The following SORCS3 variants were observed in gnomAD, a reference collection of about 807,000 sequenced individuals.
SORCS3 encodes sortilin related VPS10 domain containing receptor 3, also known as VPS10 domain-containing receptor SorCS3.
SORCS3 carries 57 observed loss-of-function variants against 146.3 expected under a neutral mutation model. The observed-to-expected ratio is 0.39, with a 90% CI of 0.31 to 0.49. The LOEUF (loss-of-function observed/expected upper bound fraction) is 0.49, where lower values mean the gene tolerates loss of function less well. Among genes scored for constraint, SORCS3 ranks in the 20% least tolerant of loss-of-function variants. The pLI, the probability that SORCS3 is intolerant of heterozygous loss-of-function variation, is 0.92. For missense variants in SORCS3, 1,341 were observed against 1,575.5 expected (o/e 0.85, Z 2.52); for synonymous variants, 653 against 618.5 (o/e 1.06, Z -0.83).
chr10:104,766,310 C>T (rs2017179201), intron 1 of SORCS3, among the ~76,000 whole-genome samples: 1 of 152,212 alleles, frequency 6.6e-6, no homozygotes, highest in African/African-American at 2.4e-5. Flanking sequence ...ACAGTCACCA[C>T]ATCTGTATTT....
chr10:104,838,473 A>T (rs2133543393), intron 1 of SORCS3, among the ~76,000 whole-genome samples: 1 of 152,066 alleles, frequency 6.6e-6, no homozygotes. Context: ...AGAATGTCTT[A>T]AGCCTGAAGG....
chr10:104,823,657 C>T (rs556020711), intron 1 of SORCS3, among the ~76,000 whole-genome samples: 33 of 152,284 alleles, frequency 2.2e-4, no homozygotes, highest in African/African-American at 7.2e-4. Context: ...GCTCATTAGA[C>T]ATCTTCATGG....
chr10:105,231,045 G>A (rs2056762738), intron 20 of SORCS3, among the ~76,000 whole-genome samples: 1 of 152,110 alleles, frequency 6.6e-6, no homozygotes, highest in South Asian at 2.1e-4. Context: ...TTCTCATATT[G>A]GGGAGTCCCT....
chr10:105,228,830 A>G (rs1388980966), intron 20 of SORCS3, among the ~76,000 whole-genome samples: 1 of 152,178 alleles, frequency 6.6e-6, no homozygotes, highest in Non-Finnish European at 1.5e-5. Context: ...CATAAAGAAG[A>G]TCTTTTTACT....
chr10:105,262,503 TGCTCCACTAA>T lies in SORCS3; in HGVS notation c.3604+18_3604+27del. ...CACGCGGGTCATAGGTACATGCTCCTGCTCCACTAAGCTCCCCTGTTCTGTGTCCTCTAAA... is the reference window on the plus strand; with the variant it reads ...CACGCGGGTCATAGGTACATGCTCCTGCTCCCCTGTTCTGTGTCCTCTAAA... On this transcript the variant is annotated intron_variant, in intron 26 of 26. Coordinates refer to ENST00000369701, the MANE Select transcript of SORCS3 (RefSeq NM_014978.3). 1 of 1,611,422 alleles carries T rather than the reference TGCTCCACTAA, an allele frequency of 6.2e-7. No individual in the cohort carries two copies. Among genetic ancestry groups the T allele is most frequent in the South Asian group, 1.1e-5 (1 of 90,958 alleles).
intron 23 of SORCS3, 58 bp from the exon 24 acceptor site, chr10:105,255,644 C>G (rs1281305138): frequency 8.4e-7 from 1 of 1,189,680 alleles, no homozygotes; most frequent in Admixed American, 1.7e-5. Context: ...TTTCTTACCC[C>G]ATGAGGGAGC....
intron 1 of SORCS3, among the ~76,000 whole-genome samples, chr10:104,701,819 C>T (rs908891155): frequency 2.0e-5 from 3 of 150,950 alleles, no homozygotes; most frequent in African/African-American, 4.9e-5. Context: ...ATTTTTTTTT[C>T]GGTATTGGGT....
At chr10:104,834,888 C>T (rs748981237) in intron 1 of SORCS3, among the ~76,000 whole-genome samples, 8 of 151,716 alleles carry the variant, frequency 5.3e-5, no homozygotes, top group Admixed American at 4.6e-4. Context: ...TCAGGAGACT[C>T]GGTGTTTGCT....
intron 6 of SORCS3, among the ~76,000 whole-genome samples, chr10:105,092,770 A>G (rs1351580550): frequency 6.6e-6 from 1 of 152,230 alleles, no homozygotes. Flanking sequence ...ACAAACAAAC[A>G]AACAAAAAAG....
Position 105,213,582 on chromosome 10 carries a change from A to T in SORCS3, c.2376-860A>T, listed in dbSNP as rs185638933. Reference sequence around the variant, plus strand: ...TTTCAGTGCAGCCTTATAGATGGTCATGTGCCTGGAAATATGCCCATCATG... The same window carrying T: ...TTTCAGTGCAGCCTTATAGATGGTCTTGTGCCTGGAAATATGCCCATCATG... On this transcript the variant is annotated intron_variant, in intron 17 of 26. Transcript: ENST00000369701. Among the ~76,000 whole-genome samples, 338 of 152,268 alleles carry T rather than the reference A, an allele frequency of 2.2e-3. 3 individuals carry two copies. Among genetic ancestry groups the T allele is most frequent in the Admixed American group, 5.5e-3 (84 of 15,298 alleles).
At chr10:104,995,196 G>C (rs570830166) in intron 4 of SORCS3, among the ~76,000 whole-genome samples, 15 of 127,288 alleles carry the variant, frequency 1.2e-4, no homozygotes, top group African/African-American at 4.7e-4. Context: ...GTCTTGCTCT[G>C]TCGTCCAGGC....
chr10:104,894,365 A>G (rs2018778438), intron 2 of SORCS3, among the ~76,000 whole-genome samples: 1 of 152,210 alleles, frequency 6.6e-6, no homozygotes, highest in Non-Finnish European at 1.5e-5. Flanking sequence ...AGTGGTGGTG[A>G]TGGTGAGTGG....
At chr10:105,237,205 A>G (rs2056797666) in intron 20 of SORCS3, among the ~76,000 whole-genome samples, 1 of 152,170 alleles carries the variant, frequency 6.6e-6, no homozygotes, top group Non-Finnish European at 1.5e-5. Context: ...TGGTTGCAGA[A>G]CAAGACAAAC....
intron 1 of SORCS3, among the ~76,000 whole-genome samples, chr10:104,697,072 T>C (rs1183284564): frequency 1.3e-5 from 2 of 152,004 alleles, no homozygotes; most frequent in Non-Finnish European, 2.9e-5. Flanking sequence ...ATGGATGTAT[T>C]AATTTGATTT....
At chr10:105,047,202 A>T (rs1238267389) in intron 5 of SORCS3, among the ~76,000 whole-genome samples, 1 of 151,326 alleles carries the variant, frequency 6.6e-6, no homozygotes, top group Non-Finnish European at 1.5e-5. Context: ...TGCTCCTGTG[A>T]CTCTGCACTC....
At chr10:104,831,366 A>AC (rs1459044687) in intron 1 of SORCS3, among the ~76,000 whole-genome samples, 2 of 152,190 alleles carry the variant, frequency 1.3e-5, no homozygotes, top group Non-Finnish European at 2.9e-5. Context: ...ACTTATGGGC[A>AC]CCATCTATTT....
Position 104,696,769 on chromosome 10 carries a change from A to AAT in SORCS3, c.627+54827_627+54828dup, listed in dbSNP as rs560499615. Among the ~76,000 whole-genome samples the AAT allele has an allele frequency of 8.6e-3, 1,042 of 120,522 alleles. 38 individuals are homozygous for AAT. Among genetic ancestry groups the AAT allele is most frequent in the Middle Eastern group, 0.019 (5 of 260 alleles). The allele number at this position is 120,522 out of a possible 152,430, so 79.1% of individuals were successfully genotyped here. The stretch of plus-strand genomic sequence containing the variant: ...TTATATACGTATATATAATATATAT[A>AAT]ATATATATATATAATGGAATATTAT... On this transcript the variant is annotated intron_variant, in intron 1 of 26. Transcript: ENST00000369701.
At chr10:104,762,965 A>ATTG (rs1564677913) in intron 1 of SORCS3, among the ~76,000 whole-genome samples, 1 of 152,222 alleles carries the variant, frequency 6.6e-6, no homozygotes, top group Non-Finnish European at 1.5e-5. Context: ...TTTCTGAGTC[A>ATTG]TTGGTTGTGG....
Position 104,680,672 on chromosome 10 carries a change from C to T in SORCS3, c.627+38718C>T, listed in dbSNP as rs112194887. Among the ~76,000 whole-genome samples, 11 of 152,344 alleles carry T rather than the reference C, an allele frequency of 7.2e-5. 1 individual carries two copies. Among genetic ancestry groups the T allele is most frequent in the African/African-American group, 2.6e-4 (11 of 41,584 alleles). On this transcript the variant is annotated intron_variant, in intron 1 of 26. Coordinates refer to ENST00000369701, the MANE Select transcript of SORCS3 (RefSeq NM_014978.3). ...TAAACTAGTAACTGCACGTGAGGGG[C>T]ACAGACCAGTGTCTGGCACACTCGA...
Sources: gnomAD v4.1 joint callset for allele counts (sites outside exome capture counted in the v4.1 genomes callset) on GRCh38, gnomAD v4.1.1 for gene constraint, MANE v1.5 for transcripts, NCBI Gene and HGNC (gene_info 2026-07-23, HGNC 2026-07-21) for gene names.